Variants in INPP4B observed in about 807,000 individuals in gnomAD.
The protein encoded by INPP4B is inositol polyphosphate 4-phosphatase type II.
In INPP4B, 55 loss-of-function variants were observed where a neutral mutation model predicts 122.5. The ratio of observed to expected loss-of-function variants is 0.45; its 90% CI spans 0.36 to 0.56. The LOEUF is 0.56. Among genes scored for constraint, INPP4B ranks in the 20% least tolerant of loss-of-function variants. The pLI, the probability that INPP4B is intolerant of heterozygous loss-of-function variation, is 0.00. For synonymous variants in INPP4B, 403 were observed against 388.7 expected (o/e 1.04, Z -0.43); for missense variants, 1,000 against 1,097.7 (o/e 0.91, Z 1.26).
intron 2 of INPP4B, among the ~76,000 whole-genome samples, chr4:142,644,326 C>T (rs533427680): frequency 1.1e-4 from 16 of 150,610 alleles, no homozygotes; most frequent in Non-Finnish European, 1.6e-4. Flanking sequence ...AGGAGGAGGG[C>T]GAGAAGGAGG....
At chr4:142,763,328 A>G (rs1281288757) in intron 1 of INPP4B, among the ~76,000 whole-genome samples, 2 of 152,238 alleles carry the variant, frequency 1.3e-5, no homozygotes, top group African/African-American at 4.8e-5. Flanking sequence ...TTTAAAAGTC[A>G]TTAACACATT....
chr4:142,046,600 G>A (rs1751592536), intron 25 of INPP4B, among the ~76,000 whole-genome samples: 1 of 152,062 alleles, frequency 6.6e-6, no homozygotes, highest in Admixed American at 6.6e-5. Context: ...AGGCTAGAGT[G>A]AAAAGAAAGA....
At chr4:142,161,316 T>C (rs1339057142) in intron 16 of INPP4B, among the ~76,000 whole-genome samples, 1 of 151,986 alleles carries the variant, frequency 6.6e-6, no homozygotes, top group Non-Finnish European at 1.5e-5. Context: ...CTTTGCAATT[T>C]CCTGATGAAA....
At chr4:142,441,607 T>TA (rs375993141) in intron 3 of INPP4B, among the ~76,000 whole-genome samples, 1 of 151,964 alleles carries the variant, frequency 6.6e-6, no homozygotes, top group Admixed American at 6.6e-5. Flanking sequence ...ATGAAGTCAC[T>TA]AAAAAAATGC....
At chr4:142,211,504 G>A (rs1484934697) in intron 12 of INPP4B, among the ~76,000 whole-genome samples, 4 of 152,084 alleles carry the variant, frequency 2.6e-5, no homozygotes, top group Non-Finnish European at 4.4e-5. Flanking sequence ...GCAATGCTAG[G>A]ACAACCACAA....
At position 142,598,239 on chromosome 4, in the gene INPP4B, C is replaced by A. The variant is rs1028477414; in HGVS notation, c.-191+127600G>T. Reference sequence around the variant, plus strand: ...GAGAGAACTTCAGTGGTCCACATCCCCACTGCAGCCTGCTGCAATCCCAAC... The same window carrying A: ...GAGAGAACTTCAGTGGTCCACATCCACACTGCAGCCTGCTGCAATCCCAAC... On this transcript the variant is annotated intron_variant, in intron 2 of 25. Coordinates refer to ENST00000262992, the MANE Select transcript of INPP4B (RefSeq NM_001101669.3). Among the ~76,000 whole-genome samples the A allele has an allele frequency of 3.9e-5, 6 of 152,096 alleles. No individual in the cohort carries two copies. The South Asian group carries it at 1.2e-3, about 32-fold the overall frequency.
chr4:142,281,205 C>A (rs1282085631), intron 9 of INPP4B, among the ~76,000 whole-genome samples: 1 of 150,998 alleles, frequency 6.6e-6, no homozygotes, highest in Non-Finnish European at 1.5e-5. Context: ...ATGATTGTGG[C>A]AAGAAAGAAA....
At chr4:142,077,209 AG>A (rs1771277786) in intron 25 of INPP4B, among the ~76,000 whole-genome samples, 1 of 151,936 alleles carries the variant, frequency 6.6e-6, no homozygotes, top group African/African-American at 2.4e-5. Context: ...CTGTATTGCG[AG>A]GGTGATACAT....
chr4:142,712,908 G>A (rs1763286720), intron 2 of INPP4B, among the ~76,000 whole-genome samples: 1 of 152,136 alleles, frequency 6.6e-6, no homozygotes. Flanking sequence ...AGACATTAAG[G>A]GGAATAACAA....
chr4:142,783,910 T>A (rs1775308474), intron 1 of INPP4B, among the ~76,000 whole-genome samples: 1 of 152,120 alleles, frequency 6.6e-6, no homozygotes, highest in African/African-American at 2.4e-5. Flanking sequence ...ATCATTGGAC[T>A]ATAAAGAATG....
At chr4:142,693,008 TAAA>T (rs377252315) in intron 2 of INPP4B, among the ~76,000 whole-genome samples, 1 of 141,636 alleles carries the variant, frequency 7.1e-6, no homozygotes, top group African/African-American at 2.6e-5. Flanking sequence ...CTTGATGCCT[TAAA>T]AAAAAAAAAA....
At chr4:142,239,951 C>T (rs1858494780) in intron 11 of INPP4B, among the ~76,000 whole-genome samples, 1 of 151,504 alleles carries the variant, frequency 6.6e-6, no homozygotes, top group African/African-American at 2.4e-5. Flanking sequence ...ATTTTGCTTG[C>T]CTTTTATACA....
At chr4:142,624,063 T>C (rs1047623617) in intron 2 of INPP4B, among the ~76,000 whole-genome samples, 5 of 151,866 alleles carry the variant, frequency 3.3e-5, no homozygotes, top group Non-Finnish European at 5.9e-5. Context: ...GCATGATTTA[T>C]AGTCCTTTGG....
chr4:142,309,467 G>A (rs1163474165), intron 8 of INPP4B, among the ~76,000 whole-genome samples: 2 of 152,100 alleles, frequency 1.3e-5, no homozygotes, highest in East Asian at 3.9e-4. Context: ...AGATTACATA[G>A]GATGTTTAAA....
intron 1 of INPP4B, among the ~76,000 whole-genome samples, chr4:142,787,787 A>AAC (rs1356310185): frequency 3.3e-5 from 5 of 152,110 alleles, no homozygotes; most frequent in Non-Finnish European, 5.9e-5. Context: ...GAGGTGGAGG[A>AAC]ACACACACAT....
intron 2 of INPP4B, among the ~76,000 whole-genome samples, chr4:142,587,243 C>T (rs1171020410): frequency 6.6e-6 from 1 of 152,026 alleles, no homozygotes; most frequent in African/African-American, 2.4e-5. Flanking sequence ...ACACCCCATC[C>T]ATTTTTAAGA....
At chr4:142,666,864 T>A (rs1292540348) in intron 2 of INPP4B, among the ~76,000 whole-genome samples, 2 of 152,204 alleles carry the variant, frequency 1.3e-5, no homozygotes, top group Non-Finnish European at 2.9e-5. Context: ...GAATGGAAGG[T>A]CAACACAACC....
intron 18 of INPP4B, among the ~76,000 whole-genome samples, chr4:142,144,505 T>C (rs950470800): frequency 5.3e-5 from 8 of 152,026 alleles, no homozygotes; most frequent in African/African-American, 1.4e-4. Flanking sequence ...TTAAAGAAAA[T>C]TGAAGTATGC....
In INPP4B at chr4:142,505,380, T is replaced by C. The variant is rs148573078; in HGVS notation, c.-190-42654A>G. Among the ~76,000 whole-genome samples the C allele has an allele frequency of 4.3e-3, 653 of 152,282 alleles. 3 individuals are homozygous for C. The highest frequency in any genetic ancestry group is 6.7e-3 in the Non-Finnish European group (457 of 68,016). On this transcript the variant is annotated intron_variant, in intron 2 of 25. Coordinates refer to ENST00000262992, the MANE Select transcript of INPP4B (RefSeq NM_001101669.3). ...CTTTTTCCTCAGTGGCTAGGAAAAT[T>C]TCTCTGGCTATGTTTAGGAGATAAA...
Sources: allele counts gnomAD v4.1 joint callset (sites outside exome capture counted in the v4.1 genomes callset), GRCh38; gene constraint gnomAD v4.1.1; transcripts MANE v1.5; gene names NCBI Gene and HGNC (gene_info 2026-07-23, HGNC 2026-07-21).